Variants in DTD1 observed in about 807,000 individuals in gnomAD.
The protein encoded by DTD1 is D-tyrosyl-tRNA deacylase 1 homolog.
DTD1 carries 13 observed loss-of-function variants against 25.6 expected under a neutral mutation model. That is an observed-to-expected ratio of 0.51 (90% confidence interval 0.33 to 0.81). The LOEUF (loss-of-function observed/expected upper bound fraction) is 0.81, where lower values mean the gene tolerates loss of function less well. Among genes scored for constraint, DTD1 ranks in the 30% least tolerant of loss-of-function variants. The pLI, the probability that DTD1 is intolerant of heterozygous loss-of-function variation, is 0.02. For missense variants in DTD1, 193 were observed against 266.4 expected (o/e 0.72, Z 1.92); for synonymous variants, 110 against 103.6 (o/e 1.06, Z -0.37).
intron 1 of DTD1, among the ~76,000 whole-genome samples, chr20:18,589,427 A>G (rs1168668983): frequency 6.6e-6 from 1 of 151,898 alleles, no homozygotes; most frequent in African/African-American, 2.4e-5. Flanking sequence ...TAAAGAAACA[A>G]CCAAACCCAC....
chr20:18,676,019 T>C (rs566930497), intron 4 of DTD1, among the ~76,000 whole-genome samples: 2 of 152,344 alleles, frequency 1.3e-5, no homozygotes, highest in Admixed American at 1.3e-4. Flanking sequence ...TATTCTGCCA[T>C]AAGACATATC....
intron 5 of DTD1, among the ~76,000 whole-genome samples, chr20:18,755,585 A>G (rs1266108752): frequency 6.6e-6 from 1 of 151,792 alleles, no homozygotes; most frequent in African/African-American, 2.4e-5. Context: ...CCGTGTCCCT[A>G]CAAAGGACAT....
intron 4 of DTD1, among the ~76,000 whole-genome samples, chr20:18,707,279 A>G (rs8115450): frequency 0.36 from 54,960 of 152,130 alleles, 10,257 homozygotes; most frequent in Non-Finnish European, 0.41. Context: ...GACCTGTTTC[A>G]TCTCATTTCA....
intron 3 of DTD1, among the ~76,000 whole-genome samples, chr20:18,611,489 C>T (rs1276280194): frequency 1.3e-5 from 2 of 152,206 alleles, no homozygotes; most frequent in African/African-American, 4.8e-5. Flanking sequence ...TTAGATTTAA[C>T]ATTTTTTCAC....
intron 4 of DTD1, among the ~76,000 whole-genome samples, chr20:18,708,215 TATAA>T (rs2061135848): frequency 9.7e-5 from 1 of 10,280 alleles, no homozygotes; most frequent in Non-Finnish European, 3.8e-4. Flanking sequence ...ATTTTATATA[TATAA>T]TATATATATA....
intron 3 of DTD1, among the ~76,000 whole-genome samples, chr20:18,612,073 C>T (rs1307363989): frequency 5.4e-5 from 7 of 129,598 alleles, no homozygotes; most frequent in South Asian, 2.5e-4. Flanking sequence ...CTAGCTCTGT[C>T]GCCCAGGCTG....
intron 4 of DTD1, among the ~76,000 whole-genome samples, chr20:18,663,550 A>G (rs565006664): frequency 6.6e-6 from 1 of 152,228 alleles, no homozygotes; most frequent in Non-Finnish European, 1.5e-5. Context: ...TGCTGGTCCC[A>G]TAAGATTATA....
intron 2 of DTD1, among the ~76,000 whole-genome samples, chr20:18,595,020 G>A (rs2060604556): frequency 6.6e-6 from 1 of 152,250 alleles, no homozygotes; most frequent in African/African-American, 2.4e-5. Context: ...CAGAAGGGTG[G>A]CTCTCAAATG....
chr20:18,704,565 G>T (rs1270767584), intron 4 of DTD1, among the ~76,000 whole-genome samples: 1 of 152,144 alleles, frequency 6.6e-6, no homozygotes, highest in African/African-American at 2.4e-5. Flanking sequence ...TGTTGTCACT[G>T]TTGTTTTTAA....
At chr20:18,627,758 G>A (rs1474673674) in intron 3 of DTD1, among the ~76,000 whole-genome samples, 1 of 152,172 alleles carries the variant, frequency 6.6e-6, no homozygotes, top group African/African-American at 2.4e-5. Flanking sequence ...CATATGTTTT[G>A]TGGGAGGAAC....
At chr20:18,725,330 A>T (rs2061219359) in intron 4 of DTD1, among the ~76,000 whole-genome samples, 1 of 152,122 alleles carries the variant, frequency 6.6e-6, no homozygotes, top group South Asian at 2.1e-4. Flanking sequence ...AGCTGCTTCC[A>T]CCTGAACCCT....
At chr20:18,678,578 A>G (rs2060984870) in intron 4 of DTD1, among the ~76,000 whole-genome samples, 2 of 152,240 alleles carry the variant, frequency 1.3e-5, no homozygotes, top group African/African-American at 2.4e-5. Flanking sequence ...AGATCTGAAA[A>G]CATATCAGAA....
chr20:18,731,418 TTTAAG>T (rs1375379579), intron 4 of DTD1, among the ~76,000 whole-genome samples: 2 of 152,238 alleles, frequency 1.3e-5, no homozygotes, highest in Non-Finnish European at 2.9e-5. Context: ...CTCCAATCAA[TTTAAG>T]TTGTTTATTA....
intron 4 of DTD1, among the ~76,000 whole-genome samples, chr20:18,732,608 T>C (rs1042983804): frequency 2.4e-4 from 37 of 152,178 alleles, no homozygotes; most frequent in Non-Finnish European, 3.8e-4. Flanking sequence ...ATAGGTGTGG[T>C]GAAGCAAAGG....
intron 4 of DTD1, among the ~76,000 whole-genome samples, chr20:18,652,423 C>T (rs2060877856): frequency 1.3e-5 from 2 of 152,244 alleles, no homozygotes; most frequent in South Asian, 2.1e-4. Context: ...TTTTTACTTT[C>T]TGGTGCGTAC....
At chr20:18,674,429 A>T (rs1229275247) in intron 4 of DTD1, 1 of 152,256 alleles carries the variant, frequency 6.6e-6, no homozygotes, top group African/African-American at 2.4e-5. Flanking sequence ...GATGACTTCA[A>T]GAACAAATAT....
At chr20:18,667,980 C>T (rs1313699700) in intron 4 of DTD1, among the ~76,000 whole-genome samples, 2 of 152,152 alleles carry the variant, frequency 1.3e-5, no homozygotes, top group Non-Finnish European at 1.5e-5. Context: ...CCAGGGCAGT[C>T]GTTAAACTGT....
chr20:18,735,689 G>C (rs1213340597), intron 4 of DTD1, among the ~76,000 whole-genome samples: 1 of 152,192 alleles, frequency 6.6e-6, no homozygotes, highest in Non-Finnish European at 1.5e-5. Context: ...TGCTCTTTTT[G>C]TAAATTGTAG....
chr20:18,616,730 C>T (rs2060710347), intron 3 of DTD1, among the ~76,000 whole-genome samples: 6 of 152,122 alleles, frequency 3.9e-5, no homozygotes, highest in Admixed American at 3.9e-4. Flanking sequence ...TTGCTTGGGC[C>T]CAGGAGTTCA....
Sources: allele counts gnomAD v4.1 joint callset (sites outside exome capture counted in the v4.1 genomes callset), GRCh38; gene constraint gnomAD v4.1.1; transcripts MANE v1.5; gene names NCBI Gene and HGNC (gene_info 2026-07-23, HGNC 2026-07-21).